APMAP: variants seen among roughly 807,000 people sequenced by gnomAD.
APMAP encodes adipocyte plasma membrane-associated protein.
In APMAP, 33 loss-of-function variants were observed where a neutral mutation model predicts 43.6. That is an observed-to-expected ratio of 0.76 (90% CI 0.57 to 1.01). The LOEUF (loss-of-function observed/expected upper bound fraction) is 1.01, where lower values mean the gene tolerates loss of function less well. APMAP is among the 50% of genes least tolerant of loss of function. The pLI is 0.00. For synonymous variants in APMAP, 224 were observed against 216.7 expected, an observed-to-expected ratio of 1.03 and a Z score of -0.30; for missense variants, 498 against 540.7, an observed-to-expected ratio of 0.92 and a Z score of 0.78.
At chr20:24,991,392 G>C (rs1415176440) in intron 1 of APMAP, among the ~76,000 whole-genome samples, 1 of 152,196 alleles carries the variant, frequency 6.6e-6, no homozygotes, top group Non-Finnish European at 1.5e-5. Flanking sequence ...CTACATCCTT[G>C]GAAACCCCAG....
In APMAP at chr20:24,963,948, G is replaced by C. The variant is rs761717180; in HGVS notation, c.1116C>G (p.Ala372=). Reference sequence around the variant, plus strand: ...CGGGATCATGCAGGCTTCTCCGGAAGGCACCGCTGTCGCTGAGTTCTAGGA... The same window carrying C: ...CGGGATCATGCAGGCTTCTCCGGAACGCACCGCTGTCGCTGAGTTCTAGGA... The part of the protein sequence containing the change: ...SLVLELSDSG[A]FRRSLHDPDG... The change falls in exon 9 of 9, where the codon GCC becomes GCG. Residue 372 remains alanine (A), a synonymous_variant. Coordinates refer to ENST00000217456, the MANE Select transcript of APMAP (RefSeq NM_020531.3). 5.6e-6 allele frequency: 9 copies of C among 1,614,132 alleles called. No homozygotes were observed. In the Admixed American group the frequency reaches 1.5e-4, roughly 27 times the overall value.
At chr20:24,975,562 A>C (rs1178206306) in intron 3 of APMAP, among the ~76,000 whole-genome samples, 1 of 152,220 alleles carries the variant, frequency 6.6e-6, no homozygotes, top group Admixed American at 6.5e-5. Flanking sequence ...GTTCATGGAC[A>C]GGAATACTCA....
In APMAP at chr20:24,992,640, C is replaced by T. The variant is rs2088204468; in HGVS notation, c.49G>A (p.Val17Ile). Residue 17 changes from valine to isoleucine, a missense_variant, in exon 1 of 9, where the codon GTC becomes ATC. Transcript: ENST00000217456. ...GCCTGGCCATCATCGTCTGTGACGA[C>T]CTGCGGCCGCAGGGGCCGGCGCTGT... ...LRQRRPLRPQ[V>I]VTDDDGQAPE... 9 of 1,568,722 alleles carry T rather than the reference C, an allele frequency of 5.7e-6. No individual in the cohort carries two copies. In the African/African-American group the frequency reaches 9.6e-5, roughly 17 times the overall value.
Position 24,967,585 on chromosome 20 carries a change from T to C in APMAP, c.1041+1307A>G, listed in dbSNP as rs139795611. On this transcript the variant is annotated intron_variant, in intron 8 of 8. Transcript: ENST00000217456. The stretch of plus-strand genomic sequence containing the variant: ...CTGCTCTGATGGTATGCACATTCTA[T>C]TCAGGGGAAGAGACACAACCACCAC... Among the ~76,000 whole-genome samples, 4 of 152,328 alleles carry C rather than the reference T, an allele frequency of 2.6e-5. No homozygotes were observed. In the East Asian group the frequency reaches 5.8e-4, roughly 22 times the overall value.
In APMAP at chr20:24,971,504, A is replaced by G. The variant is rs2122494302; in HGVS notation, c.494T>C (p.Val165Ala). The G allele has an allele frequency of 6.2e-7, 1 of 1,614,250 alleles. No individual in the cohort carries two copies. The highest frequency in any genetic ancestry group is 1.7e-5 in the Admixed American group (1 of 60,036). Residue 165 changes from valine (V) to alanine (A), a missense_variant, in exon 5 of 9, where the codon GTG (valine) becomes GCG (alanine). Transcript: ENST00000217456. The stretch of plus-strand genomic sequence containing the variant: ...AAATAGTCCCTTGTATGCATCGGCC[A>G]CAAAGAGAGTCCCATTGGGCCCTGC... ...IRAGPNGTLF[V>A]ADAYKGLFEV...
In APMAP at chr20:24,969,598, G is replaced by A. The variant is rs754776239; in HGVS notation, c.776C>T (p.Pro259Leu). The change falls in exon 7 of 9, where the codon CCG becomes CTG. Residue 259 changes from proline (P) to leucine (L), a missense_variant. Transcript: ENST00000217456. Reference sequence around the variant, plus strand: ...TGCAGGAGACAGCTGGACTCCATTCGGGAACCGCAGCTGGTCCAATAAAAC... The same window carrying A: ...TGCAGGAGACAGCTGGACTCCATTCAGGAACCGCAGCTGGTCCAATAAAAC... ...VKVLLDQLRF[P>L]NGVQLSPAED... 9 of 1,613,926 alleles carry A rather than the reference G, an allele frequency of 5.6e-6. No homozygotes were observed. The highest frequency in any genetic ancestry group is 2.2e-5 in the East Asian group (1 of 44,894).
At chr20:24,969,155 C>A in intron 7 of APMAP, 71 bp from the exon 8 acceptor site, 1 of 1,408,718 alleles carries the variant, frequency 7.1e-7, no homozygotes, top group Non-Finnish European at 9.6e-7. Context: ...TAGCCAAGCA[C>A]CAAACTGGTC....
intron 3 of APMAP, among the ~76,000 whole-genome samples, chr20:24,974,811 T>C (rs923845106): frequency 6.6e-6 from 1 of 152,216 alleles, no homozygotes; most frequent in Non-Finnish European, 1.5e-5. Flanking sequence ...ACCTTTAATG[T>C]GTATATGCTT....
intron 2 of APMAP, among the ~76,000 whole-genome samples, chr20:24,981,120 G>A (rs149024697): frequency 3.9e-5 from 6 of 152,366 alleles, no homozygotes; most frequent in African/African-American, 1.4e-4. Flanking sequence ...GCTGGTTTCA[G>A]TACTTGAGAA....
Position 24,983,912 on chromosome 20 carries a change from T to A in APMAP, c.203A>T (p.Gln68Leu). ...CTGCGGGGCAGCCTACCTGAGAGGC[T>A]GTGGATCTATAGGAGATTCCAGCAG... The part of the protein sequence containing the change: ...MMLLESPIDP[Q>L]PLSFKEPPLL... The change falls in exon 2 of 9, where the codon CAG becomes CTG. Residue 68 changes from glutamine (Q) to leucine (L), a missense_variant. Physicochemically the swap from Gln to Leu is moderately radical, Grantham distance 113. Coordinates refer to ENST00000217456, the MANE Select transcript of APMAP (RefSeq NM_020531.3). 6.2e-7 allele frequency: 1 copy of A among 1,609,454 alleles called. No homozygotes were observed. Among genetic ancestry groups the A allele is most frequent in the Non-Finnish European group, 8.5e-7 (1 of 1,176,254 alleles).
At chr20:24,981,103 T>C (rs55875217) in intron 2 of APMAP, among the ~76,000 whole-genome samples, 13,666 of 152,262 alleles carry the variant, frequency 0.09, 699 homozygotes, top group Middle Eastern at 0.12. Context: ...GTCTGGACTA[T>C]TACACAGCTG....
chr20:24,983,957 G>A lies in APMAP; in HGVS notation c.158C>T (p.Pro53Leu). 6.2e-7 allele frequency: 1 copy of A among 1,613,984 alleles called. No individual in the cohort carries two copies. Among genetic ancestry groups the A allele is most frequent in the Non-Finnish European group, 8.5e-7 (1 of 1,179,962 alleles). ...FLMLAVSLTV[P>L]LLGAMMLLES... ...CAGCAGCATCATGGCTCCAAGCAGG[G>A]GAACGGTGAGAGAAACAGCCAGCAT... The change falls in exon 2 of 9, where the codon CCC becomes CTC. Residue 53 changes from proline to leucine, a missense_variant. Coordinates refer to ENST00000217456, the MANE Select transcript of APMAP (RefSeq NM_020531.3).
intron 2 of APMAP, among the ~76,000 whole-genome samples, chr20:24,982,790 G>C (rs1157398092): frequency 6.6e-6 from 1 of 152,172 alleles, no homozygotes; most frequent in Non-Finnish European, 1.5e-5. Flanking sequence ...CTGTAAAGAA[G>C]GGTTAGAAAG....
intron 3 of APMAP, among the ~76,000 whole-genome samples, chr20:24,976,267 C>A (rs2088049574): frequency 6.6e-6 from 1 of 152,126 alleles, no homozygotes; most frequent in Admixed American, 6.5e-5. Flanking sequence ...AAGCCACAGA[C>A]TGGAGAAAAT....
rs1312113722 is a variant in APMAP at position 24,979,615 on chromosome 20, C to A, written c.213-733G>T. Reference sequence around the variant, plus strand: ...CCCCATGTCCTCCTTACAACCCTGGCTGGGGCCACCATCCTCTCGCCTCGC... The same window carrying A: ...CCCCATGTCCTCCTTACAACCCTGGATGGGGCCACCATCCTCTCGCCTCGC... On this transcript the variant is annotated intron_variant, in intron 2 of 8. Coordinates refer to ENST00000217456, the MANE Select transcript of APMAP (RefSeq NM_020531.3). Among the ~76,000 whole-genome samples the A allele has an allele frequency of 4.6e-5, 7 of 152,160 alleles. 1 individual carries two copies. Among genetic ancestry groups the A allele is most frequent in the Non-Finnish European group, 1.0e-4 (7 of 68,020 alleles).
rs142067594 is a variant in APMAP, at chr20:24,963,875, G to A, written c.1189C>T (p.His397Tyr). 1 of 1,614,238 alleles carries A rather than the reference G, an allele frequency of 6.2e-7. No individual in the cohort carries two copies. The highest frequency in any genetic ancestry group is 8.5e-7 in the Non-Finnish European group (1 of 1,180,036). ...YISEVHEHDGHLYLGSFRSPF... is the reference protein window; with the variant it reads ...YISEVHEHDGYLYLGSFRSPF... ...GACCTGAAAGAGCCCAGGTACAGGT[G>A]CCCATCGTGTTCGTGCACCTCGCTG... The change falls in exon 9 of 9, where the codon CAC becomes TAC. Residue 397 changes from histidine (H) to tyrosine (Y), a missense_variant. His to Tyr is a moderately conservative substitution (Grantham distance 83). Coordinates refer to ENST00000217456, the MANE Select transcript of APMAP (RefSeq NM_020531.3).
intron 8 of APMAP, among the ~76,000 whole-genome samples, chr20:24,967,123 G>A (rs926125480): frequency 3.3e-5 from 5 of 152,176 alleles, no homozygotes; most frequent in Admixed American, 6.5e-5. Flanking sequence ...GTGAAAACTC[G>A]TCTCTATTAA....
At chr20:24,964,932 T>A (rs1056638625) in intron 8 of APMAP, among the ~76,000 whole-genome samples, 1 of 152,150 alleles carries the variant, frequency 6.6e-6, no homozygotes, top group African/African-American at 2.4e-5. Context: ...TTCCCAAGGC[T>A]TCCCACTACC....
chr20:24,968,855 C>T, intron 8 of APMAP, 37 bp downstream of exon 8: 1 of 1,539,458 alleles, frequency 6.5e-7, no homozygotes, highest in South Asian at 1.2e-5. Flanking sequence ...CAATTCATTT[C>T]CATTTTCTTT....
Sources: allele counts gnomAD v4.1 joint callset (sites outside exome capture counted in the v4.1 genomes callset), GRCh38; gene constraint gnomAD v4.1.1; transcripts MANE v1.5; gene names NCBI Gene and HGNC (gene_info 2026-07-23, HGNC 2026-07-21).